Variants in CRYBG2 observed in about 807,000 individuals in gnomAD.
CRYBG2 encodes the protein crystallin beta-gamma domain containing 2.
Under a neutral mutation model 153.4 loss-of-function variants are expected in CRYBG2, and 106 were observed. The ratio of observed to expected loss-of-function variants is 0.69; its 90% CI spans 0.59 to 0.81. The LOEUF is 0.81. Ranked by LOEUF, CRYBG2 falls within the 30% of genes least tolerant of loss-of-function variation. CRYBG2 has a pLI of 0.00. For missense variants in CRYBG2, 1,996 were observed against 2,112.0 expected (o/e 0.95, Z 1.08); for synonymous variants, 851 against 877.8 (o/e 0.97, Z 0.54).
At chr1:26,328,637 G>T in intron 16 of CRYBG2, 97 bp downstream of exon 16, 1 of 1,488,094 alleles carries the variant, frequency 6.7e-7, no homozygotes. Flanking sequence ...GGGAAAAGTG[G>T]GGAGGGGAAA....
rs377315400 is a variant in CRYBG2, at chr1:26,342,840, C to T, written c.3118G>A (p.Val1040Ile). Residue 1040 changes from valine (V) to isoleucine (I), a missense_variant, in exon 5 of 20, where the codon GTC becomes ATC. Physicochemically the swap from Val to Ile is conservative, Grantham distance 29 (BLOSUM62 3). Coordinates refer to ENST00000308182, the MANE Select transcript of CRYBG2 (RefSeq NM_001039775.4). ...EEPEFRGQKL[V>I]LPEGDMELRT... ...AGTTCCATGTCTCCTTCAGGCAGGA[C>T]CAGCTTCTGACCCCGGAACTCTGGC... 6.2e-7 allele frequency: 1 copy of T among 1,614,178 alleles called. No homozygotes were observed. Among genetic ancestry groups the T allele is most frequent in the Non-Finnish European group, 8.5e-7 (1 of 1,180,030 alleles).
Position 26,336,291 on chromosome 1 carries a change from G to A in CRYBG2, c.4071+47C>T. 6.2e-7 allele frequency: 1 copy of A among 1,610,814 alleles called. No homozygotes were observed. ...CGGGGAGGGGAAAGGTCCGAAATGA[G>A]GGGAGAGACGTGAGCCCAGCGGCTC... On this transcript the variant is annotated intron_variant, in intron 13 of 19. Coordinates refer to ENST00000308182, the MANE Select transcript of CRYBG2 (RefSeq NM_001039775.4). The surrounding 1 kb of genome is among the most constrained non-coding windows in gnomAD (Gnocchi z 4.9).
At position 26,328,340 on chromosome 1, in the gene CRYBG2, C is replaced by A. The variant is rs1272253739; in HGVS notation, c.4455-8G>T. ...TGTTCACATAGCACCCAACTGGGCC[C>A]AGCAGGTGTCAGGGACACAGAGAAG... On this transcript the variant is annotated splice_polypyrimidine_tract_variant and splice_region_variant and intron_variant, in intron 16 of 19. Transcript: ENST00000308182. The A allele has an allele frequency of 3.2e-6, 5 of 1,565,062 alleles. No homozygotes were observed. In the Middle Eastern group the frequency reaches 5.0e-4, roughly 156 times the overall value.
At chr1:26,333,245 C>T (rs1396365113) in intron 14 of CRYBG2, among the ~76,000 whole-genome samples, 1 of 151,898 alleles carries the variant, frequency 6.6e-6, no homozygotes, top group Admixed American at 6.6e-5. Flanking sequence ...GAGGGTGAGA[C>T]CCCATGATGG....
At chr1:26,331,761 G>A in intron 14 of CRYBG2, 143 bp from the exon 15 acceptor site, 2 of 1,137,892 alleles carry the variant, frequency 1.8e-6, no homozygotes, top group Non-Finnish European at 2.5e-6. Context: ...CACTACAGCA[G>A]CAGGGAATGA....
In CRYBG2 at chr1:26,345,691, C is replaced by T; in HGVS notation, c.967G>A (p.Ala323Thr). 1 of 1,598,242 alleles carries T rather than the reference C, an allele frequency of 6.3e-7. No homozygotes were observed. The highest frequency in any genetic ancestry group is 8.5e-7 in the Non-Finnish European group (1 of 1,179,504). ...PDRDQGRAPDARACELWQVLG... is the reference protein window; with the variant it reads ...PDRDQGRAPDTRACELWQVLG... ...ACCTGCCAGAGCTCACAGGCCCTGGCATCCGGGGCTCTGCCCTGGTCTCTG... is the reference window on the plus strand; with the variant it reads ...ACCTGCCAGAGCTCACAGGCCCTGGTATCCGGGGCTCTGCCCTGGTCTCTG... Residue 323 changes from alanine to threonine, a missense_variant, in exon 2 of 20, where the codon GCC becomes ACC. By Grantham distance (58) the Ala-to-Thr change is moderately conservative. Coordinates refer to ENST00000308182, the MANE Select transcript of CRYBG2 (RefSeq NM_001039775.4).
chr1:26,328,811 C>G lies in CRYBG2; in HGVS notation c.4377G>C (p.Glu1459Asp). 1 of 1,614,110 alleles carries G rather than the reference C, an allele frequency of 6.2e-7. No homozygotes were observed. The highest frequency in any genetic ancestry group is 8.5e-7 in the Non-Finnish European group (1 of 1,180,022). ...GLECFEGKEIELSREVRSLQA... is the reference protein window; with the variant it reads ...GLECFEGKEIDLSREVRSLQA... ...GCAGGCTCCGCACCTCCCTGCTGAG[C>G]TCGATCTCCTTCCCCTCGAAGCACT... Residue 1459 changes from glutamate to aspartate, a missense_variant, in exon 16 of 20, where the codon GAG becomes GAC. By Grantham distance (45) the Glu-to-Asp change is conservative. Coordinates refer to ENST00000308182, the MANE Select transcript of CRYBG2 (RefSeq NM_001039775.4).
At chr1:26,351,905 G>A (rs1190961611) in intron 1 of CRYBG2, among the ~76,000 whole-genome samples, 1 of 152,154 alleles carries the variant, frequency 6.6e-6, no homozygotes, top group East Asian at 1.9e-4. Flanking sequence ...CAATGACCCA[G>A]GATGCCTCTC....
chr1:26,326,869 T>A, intron 17 of CRYBG2: 2 of 502,994 alleles, frequency 4.0e-6, no homozygotes, highest in Non-Finnish European at 7.9e-6. Context: ...TTGTGAGGTC[T>A]AAAGTTCTTA....
At position 26,336,766 on chromosome 1, in the gene CRYBG2, C is replaced by A. The variant is rs930949957; in HGVS notation, c.3912-34G>T. 2 of 1,571,396 alleles carry A rather than the reference C, an allele frequency of 1.3e-6. No individual in the cohort carries two copies. The highest frequency in any genetic ancestry group is 1.4e-5 in the African/African-American group (1 of 73,822). ...AGGGCGGGGCGCGAGTCAGCTGGGACGGAGCCTGCACCTCTCCTGGAACCG... is the reference window on the plus strand; with the variant it reads ...AGGGCGGGGCGCGAGTCAGCTGGGAAGGAGCCTGCACCTCTCCTGGAACCG... On this transcript the variant is annotated intron_variant, in intron 11 of 19. Coordinates refer to ENST00000308182, the MANE Select transcript of CRYBG2 (RefSeq NM_001039775.4). The surrounding 1 kb of genome is among the most constrained non-coding windows in gnomAD (Gnocchi z 4.9).
rs912971265 is a variant in CRYBG2, at chr1:26,337,233, G to A, written c.3771+20C>T. The A allele has an allele frequency of 6.8e-6, 11 of 1,613,454 alleles. No individual in the cohort carries two copies. In the African/African-American group the frequency reaches 1.5e-4, roughly 22 times the overall value. ...GGCTGTGGCCAGAGGCAGAGGGATG[G>A]GCCAATTGCCTTTGCTTACCGTCCG... On this transcript the variant is annotated intron_variant, in intron 10 of 19. Coordinates refer to ENST00000308182, the MANE Select transcript of CRYBG2 (RefSeq NM_001039775.4).
At position 26,321,896 on chromosome 1, in the gene CRYBG2, T is replaced by A. The variant is rs1015135097; in HGVS notation, c.*72A>T. ...GCAGCATATTAGAAAATAGCTTATG[T>A]TACAACAAAAACCCTATAAAAACAT... On this transcript the variant is annotated 3_prime_UTR_variant, in exon 20 of 20. Coordinates refer to ENST00000308182, the MANE Select transcript of CRYBG2 (RefSeq NM_001039775.4). 1.5e-6 allele frequency: 2 copies of A among 1,321,134 alleles called. No individual in the cohort carries two copies. The highest frequency in any genetic ancestry group is 2.0e-6 in the Non-Finnish European group (2 of 980,814). The allele number at this position is 1,321,134 out of a possible 1,614,324, so 81.8% of individuals were successfully genotyped here. A position where few individuals can be genotyped will look rare whatever the true frequency, so the allele number is the denominator to read the frequency against.
intron 16 of CRYBG2, 136 bp downstream of exon 16, chr1:26,328,598 T>G: frequency 7.4e-7 from 1 of 1,345,308 alleles, no homozygotes; most frequent in Non-Finnish European, 1.0e-6. Flanking sequence ...TCCGCACTTC[T>G]CCCTCCTTCC....
At chr1:26,333,127 G>A (rs1404395927) in intron 14 of CRYBG2, among the ~76,000 whole-genome samples, 1 of 149,826 alleles carries the variant, frequency 6.7e-6, no homozygotes, top group African/African-American at 2.5e-5. Context: ...ACTGTTATAG[G>A]CTGAATGTCT....
At chr1:26,333,234 T>G (rs2074019492) in intron 14 of CRYBG2, among the ~76,000 whole-genome samples, 1 of 151,890 alleles carries the variant, frequency 6.6e-6, no homozygotes, top group African/African-American at 2.4e-5. Flanking sequence ...GAGGGGGTCA[T>G]GAGGGTGAGA....
rs2074180913 is a variant in CRYBG2 at position 26,344,613 on chromosome 1, AC to A, written c.2044del (p.Val682SerfsTer158). The A allele has an allele frequency of 6.5e-7, 1 of 1,535,080 alleles. No individual in the cohort carries two copies. Among genetic ancestry groups the A allele is most frequent in the African/African-American group, 1.4e-5 (1 of 72,514 alleles). ...GATGGGGCTCCCTTCAGAGTCCTGG[AC>A]CCCCTTATCCTGTTTGGGGAGTGAG... is the stretch of plus-strand genomic sequence containing the variant. ...ATSLPKQDKG[V>X]QDSEGSPISS... On this transcript the variant is annotated frameshift_variant, in exon 2 of 20. Coordinates refer to ENST00000308182, the MANE Select transcript of CRYBG2 (RefSeq NM_001039775.4). LOFTEE classifies it high-confidence loss of function.
At chr1:26,322,405 C>G (rs2073871104) in intron 18 of CRYBG2, 82 bp from the exon 19 acceptor site, 1 of 1,471,244 alleles carries the variant, frequency 6.8e-7, no homozygotes, top group African/African-American at 1.4e-5. Context: ...CCCATCTGCT[C>G]TGAATCCTGG....
chr1:26,334,760 T>C (rs2074034703), intron 14 of CRYBG2, among the ~76,000 whole-genome samples: 1 of 151,718 alleles, frequency 6.6e-6, no homozygotes, highest in Non-Finnish European at 1.5e-5. Context: ...CCATCTCTAC[T>C]AAAAATACAA....
chr1:26,328,590 C>A, intron 16 of CRYBG2, 144 bp downstream of exon 16: 2 of 1,307,148 alleles, frequency 1.5e-6, no homozygotes, highest in East Asian at 2.4e-5. Context: ...CTTCTCAGTC[C>A]GCACTTCTCC....
Sources: gnomAD v4.1 joint callset for allele counts (sites outside exome capture counted in the v4.1 genomes callset) on GRCh38, gnomAD v4.1.1 for gene constraint, Gnocchi (gnomAD v3.1) non-coding constraint, MANE v1.5 for transcripts, NCBI Gene and HGNC (gene_info 2026-07-23, HGNC 2026-07-21) for gene names.